Variants in TLN2 observed in about 807,000 individuals in gnomAD.
The protein encoded by TLN2 is talin 2.
TLN2 carries 118 observed loss-of-function variants against 294.7 expected under a neutral mutation model. That is an observed-to-expected ratio of 0.40 (90% CI 0.34 to 0.47). The LOEUF is 0.47. TLN2 is among the 20% of genes least tolerant of loss of function. The pLI is 0.84. For synonymous variants in TLN2, 1,431 were observed against 1,304.5 expected (o/e 1.10, Z -2.09); for missense variants, 3,083 against 3,282.2 (o/e 0.94, Z 1.48).
At chr15:62,562,331 G>GGA (rs1174884461) in intron 1 of TLN2, among the ~76,000 whole-genome samples, 1 of 152,066 alleles carries the variant, frequency 6.6e-6, no homozygotes, top group Non-Finnish European at 1.5e-5. Flanking sequence ...AGGCATCGTG[G>GGA]GACAGTTGCC....
At chr15:62,524,419 C>A (rs931931693) in intron 1 of TLN2, among the ~76,000 whole-genome samples, 1 of 152,072 alleles carries the variant, frequency 6.6e-6, no homozygotes, top group Non-Finnish European at 1.5e-5. Flanking sequence ...TAGGCATGGA[C>A]CTGCCTCATC....
At chr15:62,477,907 G>A (rs1567011173) in intron 1 of TLN2, among the ~76,000 whole-genome samples, 1 of 141,764 alleles carries the variant, frequency 7.1e-6, no homozygotes, top group Non-Finnish European at 1.5e-5. Flanking sequence ...GATGGAGGGG[G>A]GGGTGCAGCG....
intron 42 of TLN2, among the ~76,000 whole-genome samples, chr15:62,773,932 C>T (rs1399133033): frequency 6.6e-6 from 1 of 152,110 alleles, no homozygotes; most frequent in Non-Finnish European, 1.5e-5. Flanking sequence ...CTTACCGAGG[C>T]GTTTGCAGTG....
chr15:62,396,159 C>T (rs1004278856), intron 1 of TLN2, among the ~76,000 whole-genome samples: 3 of 152,050 alleles, frequency 2.0e-5, no homozygotes, highest in Non-Finnish European at 4.4e-5. Flanking sequence ...AAAAAGAAGC[C>T]CTATGTGTAT....
rs751946050 is a variant in TLN2, at chr15:62,750,424, A to G, written c.4142A>G (p.Asn1381Ser). 7 of 1,614,086 alleles carry G rather than the reference A, an allele frequency of 4.3e-6. No homozygotes were observed. Among genetic ancestry groups the G allele is most frequent in the Middle Eastern group, 1.6e-4 (1 of 6,084 alleles). ...TAGACTGTGAAGGGGATGTTGGACA[A>G]TCCTAATGAACCTGTTAGTGACCTC... Reference protein sequence around the residue: ...ELETVKGMLDNPNEPVSDLSY... With the variant: ...ELETVKGMLDSPNEPVSDLSY... Residue 1381 changes from asparagine (N) to serine (S), a missense_variant, in exon 34 of 59, where the codon AAT (asparagine) becomes AGT (serine). By Grantham distance (46) the Asn-to-Ser change is conservative. Coordinates refer to ENST00000636159, the MANE Select transcript of TLN2 (RefSeq NM_015059.3).
chr15:62,433,271 T>G (rs891206332), intron 1 of TLN2, among the ~76,000 whole-genome samples: 1 of 152,148 alleles, frequency 6.6e-6, no homozygotes, highest in Non-Finnish European at 1.5e-5. Context: ...CACAGAAGCC[T>G]GAGGGTTTTT....
chr15:62,522,049 T>A (rs540314534), intron 1 of TLN2, among the ~76,000 whole-genome samples: 24 of 152,212 alleles, frequency 1.6e-4, no homozygotes, highest in Non-Finnish European at 1.5e-4. Flanking sequence ...TCCCTTCCCA[T>A]CATGGCCAGA....
chr15:62,738,504 C>T (rs2061150260), intron 30 of TLN2, among the ~76,000 whole-genome samples, 171 bp downstream of exon 30: 2 of 152,152 alleles, frequency 1.3e-5, no homozygotes, highest in Non-Finnish European at 2.9e-5. Flanking sequence ...CAACAAAGTT[C>T]CCAGGTGGAG....
At chr15:62,694,749 T>G (rs1282343935) in intron 14 of TLN2, among the ~76,000 whole-genome samples, 1 of 152,212 alleles carries the variant, frequency 6.6e-6, no homozygotes. Flanking sequence ...CTCTGTTTGA[T>G]TCTGGCCCCT....
intron 1 of TLN2, among the ~76,000 whole-genome samples, chr15:62,543,832 A>T (rs955354573): frequency 5.9e-5 from 9 of 152,076 alleles, no homozygotes; most frequent in African/African-American, 2.2e-4. Context: ...TGAAATAATC[A>T]CACAAATATA....
intron 2 of TLN2, among the ~76,000 whole-genome samples, chr15:62,611,536 A>T (rs142342837): frequency 6.6e-6 from 1 of 152,298 alleles, no homozygotes; most frequent in East Asian, 1.9e-4. Flanking sequence ...ACTTGACCAC[A>T]TCCCACCAAG....
intron 37 of TLN2, among the ~76,000 whole-genome samples, chr15:62,760,888 C>T (rs2062620524): frequency 6.6e-6 from 1 of 152,066 alleles, no homozygotes; most frequent in Non-Finnish European, 1.5e-5. Context: ...AAGTGGAACA[C>T]CCCTTGGTAA....
At chr15:62,485,027 T>G (rs924814991) in intron 1 of TLN2, among the ~76,000 whole-genome samples, 1 of 152,146 alleles carries the variant, frequency 6.6e-6, no homozygotes, top group African/African-American at 2.4e-5. Context: ...AGCGGCAGCC[T>G]GCATCACTCA....
intron 28 of TLN2, among the ~76,000 whole-genome samples, chr15:62,732,108 G>A (rs1160701613): frequency 6.6e-6 from 1 of 152,094 alleles, no homozygotes; most frequent in Non-Finnish European, 1.5e-5. Flanking sequence ...GAGGAGGAAA[G>A]GTATGATAAA....
At chr15:62,826,918 T>TAAGG (rs2068265147) in intron 54 of TLN2, among the ~76,000 whole-genome samples, 2 of 152,164 alleles carry the variant, frequency 1.3e-5, no homozygotes, top group Non-Finnish European at 2.9e-5. Context: ...TATGACCTTA[T>TAAGG]TTTTAGTAGC....
chr15:62,773,229 G>C (rs925843481), intron 42 of TLN2, among the ~76,000 whole-genome samples: 2 of 126,218 alleles, frequency 1.6e-5, no homozygotes, highest in Non-Finnish European at 3.2e-5. Context: ...GGGATTACAG[G>C]TGCAAGCCAC....
At chr15:62,508,368 C>T (rs2039745726) in intron 1 of TLN2, among the ~76,000 whole-genome samples, 1 of 152,086 alleles carries the variant, frequency 6.6e-6, no homozygotes, top group Non-Finnish European at 1.5e-5. Flanking sequence ...AGGCGCGTGC[C>T]ACCACACCCA....
intron 10 of TLN2, 128 bp from the exon 11 acceptor site, chr15:62,675,089 C>T (rs2056013856): frequency 1.2e-6 from 1 of 822,912 alleles, no homozygotes; most frequent in African/African-American, 1.7e-5. Flanking sequence ...GGAGGGGTCT[C>T]AGACACAACC....
chr15:62,461,652 C>G (rs1282452625), intron 1 of TLN2, among the ~76,000 whole-genome samples: 1 of 152,174 alleles, frequency 6.6e-6, no homozygotes, highest in Non-Finnish European at 1.5e-5. Flanking sequence ...ATAAGACAAG[C>G]AAGGTGTGTT....
Sources: allele counts gnomAD v4.1 joint callset (sites outside exome capture counted in the v4.1 genomes callset), GRCh38; gene constraint gnomAD v4.1.1; transcripts MANE v1.5; gene names NCBI Gene and HGNC (gene_info 2026-07-23, HGNC 2026-07-21).